Variants in KCNA2 observed in about 807,000 individuals in gnomAD.
The protein encoded by KCNA2 is potassium channel, voltage gated shaker related subfamily A, member 2.
KCNA2 carries 11 observed loss-of-function variants against 33.4 expected under a neutral mutation model. The observed-to-expected ratio is 0.33, with a 90% CI of 0.21 to 0.55. The LOEUF (loss-of-function observed/expected upper bound fraction) is 0.55, where lower values mean the gene tolerates loss of function less well. KCNA2 is among the 20% of genes least tolerant of loss of function. The pLI is 0.93. For synonymous variants in KCNA2, 222 were observed against 231.3 expected, an observed-to-expected ratio of 0.96 and a Z score of 0.37; for missense variants, 291 against 621.6, an observed-to-expected ratio of 0.47 and a Z score of 5.66.
chr1:110,602,273 G>T lies in KCNA2; in HGVS notation c.*1010C>A, dbSNP rs1649393561. 1.3e-6 allele frequency: 2 copies of T among 1,505,236 alleles called. No individual in the cohort carries two copies. The highest frequency in any genetic ancestry group is 1.8e-6 in the Non-Finnish European group (2 of 1,129,364). 93.2% of individuals were successfully genotyped at this position (1,505,236 alleles called of 1,614,324 possible). A position where few individuals can be genotyped will look rare whatever the true frequency, so the allele number is the denominator to read the frequency against. ...CCTGATGGAGGGATTTTTGCCTTCT[G>T]ATGGGAAAAAAACCCCTAGTTCAAG... On this transcript the variant is annotated 3_prime_UTR_variant, in exon 3 of 3. Transcript: ENST00000316361.
intron 1 of KCNA2, among the ~76,000 whole-genome samples, chr1:110,623,215 CT>C (rs1374840671): frequency 8.5e-5 from 13 of 152,262 alleles, no homozygotes; most frequent in Admixed American, 1.3e-4. Context: ...AGAAAGAAGT[CT>C]TTCAACAAAT....
At position 110,598,496 on chromosome 1, in the gene KCNA2, G is replaced by C; in HGVS notation, c.*4787C>G. On this transcript the variant is annotated 3_prime_UTR_variant, in exon 3 of 3. Transcript: ENST00000316361. ...TCCTCTCTCCACATGGGTTGATACT[G>C]ATAGAGTCCTCACTATAATATAGTG... 1 of 985,376 alleles carries C rather than the reference G, an allele frequency of 1.0e-6. No individual in the cohort carries two copies. The highest frequency in any genetic ancestry group is 1.2e-6 in the Non-Finnish European group (1 of 829,940). The allele number at this position is 985,376 out of a possible 1,614,324, so 61.0% of individuals were successfully genotyped here. A position where few individuals can be genotyped will look rare whatever the true frequency, so the allele number is the denominator to read the frequency against.
At position 110,603,084 on chromosome 1, in the gene KCNA2, G is replaced by T; in HGVS notation, c.*199C>A. On this transcript the variant is annotated 3_prime_UTR_variant, in exon 3 of 3. Coordinates refer to ENST00000316361, the MANE Select transcript of KCNA2 (RefSeq NM_004974.4). The surrounding 1 kb of genome is among the most constrained non-coding windows in gnomAD (Gnocchi z 5.7). ...CCCGTCTTTGGAAGTTCATAAGCCG[G>T]TGATGAGGATGTGCATGAAAGCCAT... 1 of 1,413,128 alleles carries T rather than the reference G, an allele frequency of 7.1e-7. No individual in the cohort carries two copies. The highest frequency in any genetic ancestry group is 9.2e-7 in the Non-Finnish European group (1 of 1,091,334). 87.5% of individuals were successfully genotyped at this position (1,413,128 alleles called of 1,614,324 possible).
intron 1 of KCNA2, among the ~76,000 whole-genome samples, chr1:110,627,813 AGT>A (rs1439989460): frequency 6.6e-6 from 1 of 151,934 alleles, no homozygotes; most frequent in East Asian, 1.9e-4. Flanking sequence ...CTGGAAAAAC[AGT>A]GAGACCCTGT....
chr1:110,626,371 T>C (rs554533721), intron 1 of KCNA2, among the ~76,000 whole-genome samples: 14 of 152,308 alleles, frequency 9.2e-5, no homozygotes, highest in Admixed American at 7.2e-4. Context: ...TTTAGTGTGC[T>C]ACTTTTGAGT....
At chr1:110,612,570 C>T (rs1649910608) in intron 1 of KCNA2, among the ~76,000 whole-genome samples, 1 of 152,168 alleles carries the variant, frequency 6.6e-6, no homozygotes, top group South Asian at 2.1e-4. Flanking sequence ...TGGTTCAAGC[C>T]ACCAGCAGGC....
In KCNA2 at chr1:110,602,746, G is replaced by T. The variant is rs1649414905; in HGVS notation, c.*537C>A. 1.0e-6 allele frequency: 1 copy of T among 991,566 alleles called. No individual in the cohort carries two copies. The highest frequency in any genetic ancestry group is 5.8e-5 in the Admixed American group (1 of 17,106). The allele number at this position is 991,566 out of a possible 1,614,324, so 61.4% of individuals were successfully genotyped here. ...CCTCCAGAGCATCTACTTGGCAACT[G>T]CAATTCACAAACTCCAGCCTGTGAC... On this transcript the variant is annotated 3_prime_UTR_variant, in exon 3 of 3. Coordinates refer to ENST00000316361, the MANE Select transcript of KCNA2 (RefSeq NM_004974.4).
In KCNA2 at chr1:110,596,110, C is replaced by T; in HGVS notation, c.*7173G>A. On this transcript the variant is annotated 3_prime_UTR_variant, in exon 3 of 3. Coordinates refer to ENST00000316361, the MANE Select transcript of KCNA2 (RefSeq NM_004974.4). ...GGAAAGGAAAGAGGTGATCCTGTAG[C>T]CTGTTCTTTTTTTATGAAAGATCTG... 2.0e-6 allele frequency: 2 copies of T among 985,252 alleles called. No homozygotes were observed. Among genetic ancestry groups the T allele is most frequent in the Non-Finnish European group, 2.4e-6 (2 of 829,902 alleles). 61.0% of individuals were successfully genotyped at this position (985,252 alleles called of 1,614,324 possible). A position where few individuals can be genotyped will look rare whatever the true frequency, so the allele number is the denominator to read the frequency against.
Position 110,621,935 on chromosome 1 carries a change from G to A in KCNA2, c.-496+9460C>T, listed in dbSNP as rs371029432. 8.1e-4 allele frequency among the ~76,000 whole-genome samples: 123 copies of A among 152,200 alleles called. No homozygotes were observed. In the Middle Eastern group the frequency reaches 0.014, roughly 17 times the overall value. On this transcript the variant is annotated intron_variant, in intron 1 of 4. Transcript: ENST00000369770. ...CTGACTAATGCTACCAAATGTTTAA[G>A]GAAGAAATAATTCTACACAAATTCT...
intron 1 of KCNA2, among the ~76,000 whole-genome samples, chr1:110,626,261 T>C (rs999391957): frequency 6.6e-6 from 1 of 152,226 alleles, no homozygotes; most frequent in African/African-American, 2.4e-5. Context: ...TGGACTACTA[T>C]GCTACTATAA....
At chr1:110,618,856 A>G (rs2101452475) in intron 1 of KCNA2, among the ~76,000 whole-genome samples, 1 of 152,270 alleles carries the variant, frequency 6.6e-6, no homozygotes, top group African/African-American at 2.4e-5. Context: ...CAGATGTCTT[A>G]TCTCTTCCGG....
At position 110,600,350 on chromosome 1, in the gene KCNA2, G is replaced by A. The variant is rs1649283224; in HGVS notation, c.*2933C>T. ...GCCTTTGTGTATCTTATATGCATAT[G>A]CATTTTGTCCATGTAGTTTTTTATG... On this transcript the variant is annotated 3_prime_UTR_variant, in exon 3 of 3. Coordinates refer to ENST00000316361, the MANE Select transcript of KCNA2 (RefSeq NM_004974.4). The A allele has an allele frequency of 1.0e-6, 1 of 984,240 alleles. No individual in the cohort carries two copies. Among genetic ancestry groups the A allele is most frequent in the South Asian group, 4.7e-5 (1 of 21,188 alleles). 61.0% of individuals were successfully genotyped at this position (984,240 alleles called of 1,614,324 possible).
In KCNA2 at chr1:110,597,486, G is replaced by A; in HGVS notation, c.*5797C>T. The A allele has an allele frequency of 3.0e-6, 3 of 985,414 alleles. No individual in the cohort carries two copies. The South Asian group carries it at 1.4e-4, about 46-fold the overall frequency. The allele number at this position is 985,414 out of a possible 1,614,324, so 61.0% of individuals were successfully genotyped here. ...AGGCAGAAATGGGGAGACAGAGGGA[G>A]AGGGGACAGAGACACACATGGAGAC... On this transcript the variant is annotated 3_prime_UTR_variant, in exon 3 of 3. Coordinates refer to ENST00000316361, the MANE Select transcript of KCNA2 (RefSeq NM_004974.4).
intron 1 of KCNA2, among the ~76,000 whole-genome samples, chr1:110,615,087 T>G (rs1650004465): frequency 6.6e-6 from 1 of 152,204 alleles, no homozygotes; most frequent in South Asian, 2.1e-4. Flanking sequence ...TCTGAGGCCT[T>G]GCAGAAAGGG....
chr1:110,601,752 T>C lies in KCNA2; in HGVS notation c.*1531A>G. 1 of 1,189,234 alleles carries C rather than the reference T, an allele frequency of 8.4e-7. No homozygotes were observed. The highest frequency in any genetic ancestry group is 1.6e-5 in the African/African-American group (1 of 63,230). The allele number at this position is 1,189,234 out of a possible 1,614,324, so 73.7% of individuals were successfully genotyped here. A position where few individuals can be genotyped will look rare whatever the true frequency, so the allele number is the denominator to read the frequency against. ...CCAACCCACCAAGCAGTGGATTTGC[T>C]CCTGAACCTGAACTCCAGAAAATGA... On this transcript the variant is annotated 3_prime_UTR_variant, in exon 3 of 3. Coordinates refer to ENST00000316361, the MANE Select transcript of KCNA2 (RefSeq NM_004974.4).
Position 110,597,370 on chromosome 1 carries a change from A to AGACTGAG in KCNA2, c.*5906_*5912dup. The AGACTGAG allele has an allele frequency of 1.0e-6, 1 of 985,428 alleles. No individual in the cohort carries two copies. Among genetic ancestry groups the AGACTGAG allele is most frequent in the Non-Finnish European group, 1.2e-6 (1 of 829,924 alleles). 61.0% of individuals were successfully genotyped at this position (985,428 alleles called of 1,614,324 possible). On this transcript the variant is annotated 3_prime_UTR_variant, in exon 3 of 3. Coordinates refer to ENST00000316361, the MANE Select transcript of KCNA2 (RefSeq NM_004974.4). ...CGTGTAGGCTTCCATTACATCTGCC[A>AGACTGAG]GACTGAGGGAAAGTCAACAAAATGG...
Position 110,597,196 on chromosome 1 carries a change from C to A in KCNA2, c.*6087G>T. ...CTGCCCAGGCTACTGATCCCAAGTG[C>A]AAACCTCCAGGCCACATTCCCTCAG... On this transcript the variant is annotated 3_prime_UTR_variant, in exon 3 of 3. Coordinates refer to ENST00000316361, the MANE Select transcript of KCNA2 (RefSeq NM_004974.4). 1 of 985,420 alleles carries A rather than the reference C, an allele frequency of 1.0e-6. No individual in the cohort carries two copies. The highest frequency in any genetic ancestry group is 1.2e-6 in the Non-Finnish European group (1 of 829,938). 61.0% of individuals were successfully genotyped at this position (985,420 alleles called of 1,614,324 possible).
Position 110,599,052 on chromosome 1 carries a change from T to A in KCNA2, c.*4231A>T. 9.1e-6 allele frequency: 9 copies of A among 985,372 alleles called. No homozygotes were observed. The highest frequency in any genetic ancestry group is 1.1e-5 in the Non-Finnish European group (9 of 829,906). The allele number at this position is 985,372 out of a possible 1,614,324, so 61.0% of individuals were successfully genotyped here. ...CAGCAAAGCACACGTTTTGGACCCA[T>A]ATGTCCACTCCCTACTGTTGTTACC... On this transcript the variant is annotated 3_prime_UTR_variant, in exon 3 of 3. Transcript: ENST00000316361.
chr1:110,626,677 C>T (rs1650399730), intron 1 of KCNA2, among the ~76,000 whole-genome samples: 2 of 152,128 alleles, frequency 1.3e-5, no homozygotes, highest in Non-Finnish European at 2.9e-5. Context: ...GTGTTGTTCC[C>T]ACAGTCCACA....
Sources: gnomAD v4.1 joint callset for allele counts (sites outside exome capture counted in the v4.1 genomes callset) on GRCh38, gnomAD v4.1.1 for gene constraint, Gnocchi (gnomAD v3.1) non-coding constraint, MANE v1.5 for transcripts, NCBI Gene and HGNC (gene_info 2026-07-23, HGNC 2026-07-21) for gene names.